AR: variants seen among roughly 807,000 people sequenced by gnomAD.
The protein encoded by AR is dihydrotestosterone receptor.
In AR, 8 loss-of-function variants were observed where a neutral mutation model predicts 53.9. The observed-to-expected ratio is 0.15, with a 90% confidence interval of 0.09 to 0.27. AR has a LOEUF of 0.27. Ranked by LOEUF, AR falls within the 10% of genes least tolerant of loss-of-function variation. AR has a pLI of 1.00. For synonymous variants in AR, 359 were observed against 316.4 expected, an observed-to-expected ratio of 1.13 and a Z score of -1.43; for missense variants, 639 against 742.5, an observed-to-expected ratio of 0.86 and a Z score of 1.62.
intron 1 of AR, among the ~76,000 whole-genome samples, chrX:67,598,275 G>T (rs186711886): frequency 6.4e-4 from 69 of 108,067 alleles, no homozygotes; most frequent in Non-Finnish European, 1.2e-3. Context: ...GTGGCACTTT[G>T]TAGCAATGTT....
At chrX:67,598,978 G>A (rs1231137805) in intron 1 of AR, among the ~76,000 whole-genome samples, 3 of 111,047 alleles carry the variant, frequency 2.7e-5, no homozygotes, top group Non-Finnish European at 5.7e-5. Flanking sequence ...TTGTGGTAAT[G>A]GAGCAATAGA....
intron 1 of AR, among the ~76,000 whole-genome samples, chrX:67,604,767 A>G (rs939798008): frequency 8.9e-6 from 1 of 112,007 alleles, no homozygotes; most frequent in African/African-American, 3.2e-5. Flanking sequence ...TGAAATCCTC[A>G]AATAAATTAG....
At chrX:67,603,923 T>TTGGCA (rs1569280102) in intron 1 of AR, among the ~76,000 whole-genome samples, 1 of 110,695 alleles carries the variant, frequency 9.0e-6, no homozygotes, top group African/African-American at 3.3e-5. Context: ...AGAGATAAAA[T>TTGGCA]TGGCATGGCA....
At chrX:67,690,377 G>A (rs1362968663) in intron 3 of AR, among the ~76,000 whole-genome samples, 38 of 111,678 alleles carry the variant, frequency 3.4e-4, no homozygotes, top group Non-Finnish European at 7.5e-5. Context: ...GAACATCCTT[G>A]CAGTTTCCAT....
chrX:67,637,572 T>A (rs1009402529), intron 1 of AR, among the ~76,000 whole-genome samples: 4 of 108,928 alleles, frequency 3.7e-5, no homozygotes, highest in Non-Finnish European at 5.7e-5. Flanking sequence ...TAATCCAGTC[T>A]ATCATTGTTG....
chrX:67,676,077 T>C (rs750820348), intron 2 of AR, among the ~76,000 whole-genome samples: 3 of 112,415 alleles, frequency 2.7e-5, no homozygotes, highest in Non-Finnish European at 5.6e-5. Context: ...TTGAAAACAC[T>C]ATAGAAAATG....
intron 1 of AR, among the ~76,000 whole-genome samples, chrX:67,591,984 C>T (rs895959333): frequency 1.8e-5 from 2 of 112,175 alleles, no homozygotes; most frequent in Admixed American, 9.4e-5. Context: ...AAAGGATGTG[C>T]GAGGGAGCAT....
intron 3 of AR, among the ~76,000 whole-genome samples, chrX:67,687,357 A>G (rs1465651105): frequency 8.9e-6 from 1 of 112,154 alleles, no homozygotes; most frequent in Non-Finnish European, 1.9e-5. Flanking sequence ...AGAACAAAGT[A>G]CCTCACATGA....
intron 1 of AR, among the ~76,000 whole-genome samples, chrX:67,586,553 C>T (rs780695232): frequency 3.6e-5 from 4 of 112,058 alleles, no homozygotes; most frequent in African/African-American, 9.7e-5. Flanking sequence ...TCATGCCCTT[C>T]GCATATAGTA....
intron 2 of AR, among the ~76,000 whole-genome samples, chrX:67,672,047 A>G (rs1261067119): frequency 3.6e-5 from 4 of 111,054 alleles, no homozygotes; most frequent in Non-Finnish European, 7.6e-5. Context: ...CTGGTTTTCA[A>G]AGGGAATGCT....
At chrX:67,699,512 C>T (rs2076034072) in intron 3 of AR, among the ~76,000 whole-genome samples, 1 of 111,716 alleles carries the variant, frequency 9.0e-6, no homozygotes, top group African/African-American at 3.3e-5. Context: ...CTGGAGGATC[C>T]CAGTCCCGTA....
At chrX:67,682,339 C>T (rs1436017521) in intron 2 of AR, among the ~76,000 whole-genome samples, 1 of 111,592 alleles carries the variant, frequency 9.0e-6, no homozygotes, top group Non-Finnish European at 1.9e-5. Context: ...GGCTGGAGTG[C>T]AGTACCACAA....
intron 2 of AR, among the ~76,000 whole-genome samples, chrX:67,653,124 C>G (rs771312908): frequency 8.9e-6 from 1 of 111,784 alleles, no homozygotes; most frequent in African/African-American, 3.2e-5. Flanking sequence ...AGACCTATAC[C>G]GGGCACTGGG....
intron 1 of AR, among the ~76,000 whole-genome samples, chrX:67,605,776 T>A (rs1203743000): frequency 8.9e-6 from 1 of 112,430 alleles, no homozygotes; most frequent in Non-Finnish European, 1.9e-5. Context: ...CTTTTATCTG[T>A]CTGTTCAGAA....
intron 1 of AR, chrX:67,569,103 T>C (rs1448684328): frequency 5.1e-5 from 55 of 1,071,194 alleles, no homozygotes; most frequent in Non-Finnish European, 1.3e-6. Flanking sequence ...TGACCTAATA[T>C]TACGCAGCCA....
chrX:67,546,161 C>G lies in AR; in HGVS notation c.1015C>G (p.Leu339Val), dbSNP rs755644981. 1.6e-6 allele frequency: 2 copies of G among 1,212,197 alleles called. No homozygotes were observed. Among genetic ancestry groups the G allele is most frequent in the Non-Finnish European group, 2.2e-6 (2 of 895,617 alleles). Reference protein sequence around the residue: ...GSAAAGSSGTLELPSTLSLYK... With the variant: ...GSAAAGSSGTVELPSTLSLYK... ...CGCTGCAGCAGGGAGCTCCGGGACA[C>G]TTGAACTGCCGTCTACCCTGTCTCT... The change falls in exon 1 of 8, where the codon CTT becomes GTT. Residue 339 changes from leucine to valine, a missense_variant. By Grantham distance (32) the Leu-to-Val change is conservative. This residue lies in a region of AR where 423 missense variants were observed against 377.0 expected (regional missense o/e 1.12). Transcript: ENST00000374690.
intron 3 of AR, among the ~76,000 whole-genome samples, chrX:67,704,981 C>T (rs1230343306): frequency 9.0e-6 from 1 of 111,664 alleles, no homozygotes. Flanking sequence ...TTTCTGAGGG[C>T]TCTGTTCTGT....
chrX:67,722,801 C>T (rs781720572), intron 6 of AR, 26 bp from the exon 7 acceptor site: 1 of 1,210,115 alleles, frequency 8.3e-7, no homozygotes, highest in Admixed American at 2.2e-5. Flanking sequence ...GCTTCCCCTC[C>T]CCATTCTGTC....
At chrX:67,612,672 C>T (rs1419335292) in intron 1 of AR, among the ~76,000 whole-genome samples, 1 of 112,114 alleles carries the variant, frequency 8.9e-6, no homozygotes, top group Non-Finnish European at 1.9e-5. Flanking sequence ...GTGAAACAAC[C>T]GTTTAACTAG....
Sources: gnomAD v4.1 joint callset for allele counts (sites outside exome capture counted in the v4.1 genomes callset) on GRCh38, gnomAD v4.1.1 for gene constraint, gnomAD v4.1.1 regional missense constraint, MANE v1.5 for transcripts, NCBI Gene and HGNC (gene_info 2026-07-23, HGNC 2026-07-21) for gene names.